The following SPOP variants were observed in gnomAD, a reference collection of about 807,000 sequenced individuals.
The protein encoded by SPOP is speckle type BTB/POZ protein, also known as speckle-type POZ protein.
SPOP carries 11 observed loss-of-function variants against 45.6 expected under a neutral mutation model. The ratio of observed to expected loss-of-function variants is 0.24; its 90% CI spans 0.15 to 0.40. SPOP has a LOEUF of 0.40. Among genes scored for constraint, SPOP ranks in the 10% least tolerant of loss-of-function variants. SPOP has a pLI of 1.00. For missense variants in SPOP, 152 were observed against 465.6 expected (o/e 0.33, Z 6.20); for synonymous variants, 166 against 166.3 (o/e 1.00, Z 0.01).
intron 1 of SPOP, among the ~76,000 whole-genome samples, chr17:49,673,370 G>A (rs2073161342): frequency 6.6e-6 from 1 of 152,060 alleles, no homozygotes; most frequent in Non-Finnish European, 1.5e-5. Flanking sequence ...GCCGGGCGTG[G>A]TGGCGGGCGC....
At chr17:49,672,095 G>A (rs916182159) in intron 1 of SPOP, among the ~76,000 whole-genome samples, 11 of 151,900 alleles carry the variant, frequency 7.2e-5, no homozygotes, top group East Asian at 1.9e-4. Context: ...AGCCAAGATC[G>A]CTCCACTGCA....
chr17:49,633,413 TTC>T (rs2072488197), intron 1 of SPOP, among the ~76,000 whole-genome samples: 1 of 152,202 alleles, frequency 6.6e-6, no homozygotes, highest in Admixed American at 6.5e-5. Context: ...CTTACTGCTC[TTC>T]TTTCAGGCTA....
In SPOP at chr17:49,645,253, T is replaced by C. The variant is rs529878521; in HGVS notation, c.-66-22377A>G. Among the ~76,000 whole-genome samples the C allele has an allele frequency of 5.9e-5, 9 of 152,272 alleles. No homozygotes were observed. In the South Asian group the frequency reaches 1.9e-3, roughly 32 times the overall value. On this transcript the variant is annotated intron_variant, in intron 1 of 9. Coordinates refer to ENST00000504102, the MANE Select transcript of SPOP (RefSeq NM_001007228.2). ...TGGGGTTCCTTAAGCAGAGAAAGTA[T>C]AGGGACTGACTTCATAAATGTCAAT...
chr17:49,646,232 T>C (rs756100745), intron 1 of SPOP: 2 of 152,220 alleles, frequency 1.3e-5, no homozygotes, highest in Non-Finnish European at 2.9e-5. Context: ...TTGAGCACTA[T>C]AGTCTAGTGG....
chr17:49,671,135 C>G (rs2073130620), intron 1 of SPOP, among the ~76,000 whole-genome samples: 1 of 151,992 alleles, frequency 6.6e-6, no homozygotes, highest in Non-Finnish European at 1.5e-5. Context: ...GAAGAATATT[C>G]AAGACAAGGA....
Position 49,673,659 on chromosome 17 carries a change from A to G in SPOP, c.-67+4274T>C, listed in dbSNP as rs374110268. On this transcript the variant is annotated intron_variant, in intron 1 of 9. Coordinates refer to ENST00000504102, the MANE Select transcript of SPOP (RefSeq NM_001007228.2). The stretch of plus-strand genomic sequence containing the variant: ...ATGTTTAAAATTTTTCACTTAAACC[A>G]TTATACGAAAAAAGAAAAAGGCTCC... Among the ~76,000 whole-genome samples the G allele has an allele frequency of 3.3e-5, 5 of 152,338 alleles. No individual in the cohort carries two copies. In the East Asian group the frequency reaches 7.7e-4, roughly 23 times the overall value.
intron 1 of SPOP, among the ~76,000 whole-genome samples, chr17:49,669,215 C>T (rs1174034067): frequency 1.3e-5 from 2 of 151,576 alleles, no homozygotes; most frequent in African/African-American, 4.8e-5. Flanking sequence ...TACAGGCGCC[C>T]GCCATCATGC....
At chr17:49,662,560 G>A (rs1201487091) in intron 1 of SPOP, among the ~76,000 whole-genome samples, 3 of 151,926 alleles carry the variant, frequency 2.0e-5, no homozygotes, top group Non-Finnish European at 4.4e-5. Flanking sequence ...CATGGCAGGC[G>A]CCTGTAATCC....
At chr17:49,661,153 A>G (rs1425387710) in intron 1 of SPOP, among the ~76,000 whole-genome samples, 1 of 152,170 alleles carries the variant, frequency 6.6e-6, no homozygotes, top group Non-Finnish European at 1.5e-5. Context: ...AAAATAGTTA[A>G]TAAATCAGTA....
At chr17:49,655,529 G>T (rs1300811991) in intron 1 of SPOP, among the ~76,000 whole-genome samples, 3 of 151,868 alleles carry the variant, frequency 2.0e-5, no homozygotes, top group Admixed American at 2.0e-4. Context: ...AAAAAGAAAG[G>T]AAATTCTTAA....
intron 8 of SPOP, among the ~76,000 whole-genome samples, chr17:49,606,549 A>G (rs1597905386): frequency 8.0e-6 from 1 of 124,616 alleles, no homozygotes; most frequent in South Asian, 2.5e-4. Flanking sequence ...CCCAGGCTGG[A>G]GTGGCACGAT....
Position 49,600,311 on chromosome 17 carries a change from T to TG in SPOP, c.*66dup. On this transcript the variant is annotated 3_prime_UTR_variant, in exon 10 of 10. Coordinates refer to ENST00000504102, the MANE Select transcript of SPOP (RefSeq NM_001007228.2). The surrounding 1 kb of genome is among the most constrained non-coding windows in gnomAD (Gnocchi z 4.2). ...TCCACAGATTGCGCTGTCTACCTGG[T>TG]GGTCAGTGGCAGCAACAGTGGCTGC... 1 of 1,599,328 alleles carries TG rather than the reference T, an allele frequency of 6.3e-7. No homozygotes were observed. The highest frequency in any genetic ancestry group is 1.1e-5 in the South Asian group (1 of 90,384).
In SPOP at chr17:49,630,184, T is replaced by C. The variant is rs186365940; in HGVS notation, c.-66-7308A>G. ...AAGATGCCAAAAAGATTGACGACAA[T>C]TGCAAAAACAAACAAACAAAAAAAC... On this transcript the variant is annotated intron_variant, in intron 1 of 9. Transcript: ENST00000504102. Among the ~76,000 whole-genome samples, 42 of 152,328 alleles carry C rather than the reference T, an allele frequency of 2.8e-4. No individual in the cohort carries two copies. The East Asian group carries it at 5.2e-3, about 19-fold the overall frequency.
At chr17:49,624,657 G>A (rs1329920466) in intron 1 of SPOP, among the ~76,000 whole-genome samples, 1 of 151,694 alleles carries the variant, frequency 6.6e-6, no homozygotes, top group Non-Finnish European at 1.5e-5. Flanking sequence ...ATTTTTTTGT[G>A]GAGACAGGGT....
chr17:49,670,640 T>G (rs1411396218), intron 1 of SPOP, among the ~76,000 whole-genome samples: 1 of 152,238 alleles, frequency 6.6e-6, no homozygotes, highest in African/African-American at 2.4e-5. Flanking sequence ...AGTTCTGCTG[T>G]ATCTTTCATT....
At chr17:49,672,024 C>T (rs1342608708) in intron 1 of SPOP, among the ~76,000 whole-genome samples, 1 of 152,094 alleles carries the variant, frequency 6.6e-6, no homozygotes, top group Admixed American at 6.6e-5. Flanking sequence ...CCTGTAATCC[C>T]AGCTAATTGG....
intron 5 of SPOP, among the ~76,000 whole-genome samples, chr17:49,616,095 C>G (rs1342657421): frequency 6.6e-6 from 1 of 152,200 alleles, no homozygotes; most frequent in Non-Finnish European, 1.5e-5. Context: ...TCACCCTGAA[C>G]ACGCCTGATT....
chr17:49,661,766 C>T (rs1258152115), intron 1 of SPOP, among the ~76,000 whole-genome samples: 1 of 152,194 alleles, frequency 6.6e-6, no homozygotes, highest in African/African-American at 2.4e-5. Context: ...GTAATCCCAG[C>T]AGTTTGGGAG....
chr17:49,602,324 T>A (rs2071755433), intron 8 of SPOP: 1 of 221,782 alleles, frequency 4.5e-6, no homozygotes, highest in Admixed American at 5.2e-5. Context: ...TGAAAGTTGT[T>A]CTTAAACCTT....
Sources: gnomAD v4.1 joint callset for allele counts (sites outside exome capture counted in the v4.1 genomes callset) on GRCh38, gnomAD v4.1.1 for gene constraint, Gnocchi (gnomAD v3.1) non-coding constraint, MANE v1.5 for transcripts, NCBI Gene and HGNC (gene_info 2026-07-23, HGNC 2026-07-21) for gene names.